The following PPP1R14C variants were observed in gnomAD, a reference collection of about 807,000 sequenced individuals.
PPP1R14C encodes protein phosphatase 1 regulatory subunit 14C.
A neutral mutation model predicts 20.4 loss-of-function variants in PPP1R14C; 16 were observed. That is an observed-to-expected ratio of 0.78 (90% CI 0.53 to 1.19). The LOEUF is 1.19. PPP1R14C is among the 50% of genes most tolerant of loss of function. PPP1R14C has a pLI of 0.00. For missense variants in PPP1R14C, 211 were observed against 220.1 expected, an observed-to-expected ratio of 0.96 and a Z score of 0.26; for synonymous variants, 91 against 91.0, an observed-to-expected ratio of 1.00 and a Z score of 0.00.
intron 1 of PPP1R14C, among the ~76,000 whole-genome samples, chr6:150,204,996 C>CTTTTTTT (rs10683235): frequency 7.0e-6 from 1 of 143,332 alleles, no homozygotes; most frequent in Non-Finnish European, 1.5e-5. Context: ...AACTCAGAGT[C>CTTTTTTT]TTTTTTTTTT....
In PPP1R14C at chr6:150,185,193, C is replaced by T. The variant is rs1777663384; in HGVS notation, c.307-29551C>T. On this transcript the variant is annotated intron_variant, in intron 1 of 3. Coordinates refer to ENST00000361131, the MANE Select transcript of PPP1R14C (RefSeq NM_030949.3). This position sits in a 1 kb window ranked among gnomAD's most constrained non-coding sequence, Gnocchi z 4.1. ...TTATTTACTCAACTTCTTTCTTTAT[C>T]GATTTCCTCATCTATAACATGTCAA... Among the ~76,000 whole-genome samples, 3 of 152,128 alleles carry T rather than the reference C, an allele frequency of 2.0e-5. No individual in the cohort carries two copies. Among genetic ancestry groups the T allele is most frequent in the South Asian group, 2.1e-4 (1 of 4,824 alleles).
chr6:150,189,629 T>A (rs1213390401), intron 1 of PPP1R14C, among the ~76,000 whole-genome samples: 1 of 152,146 alleles, frequency 6.6e-6, no homozygotes, highest in African/African-American at 2.4e-5. Context: ...TGTTGGAGGC[T>A]TTCTGTTGAT....
chr6:150,188,469 G>A (rs1324431858), intron 1 of PPP1R14C, among the ~76,000 whole-genome samples: 10 of 144,394 alleles, frequency 6.9e-5, no homozygotes. Context: ...GGGAACAGAA[G>A]AACAGGAATT....
chr6:150,226,490 G>C, intron 3 of PPP1R14C, among the ~76,000 whole-genome samples: 1 of 152,084 alleles, frequency 6.6e-6, no homozygotes, highest in East Asian at 1.9e-4. Flanking sequence ...CACTATCTTT[G>C]CACAGTTTCC....
At chr6:150,160,833 C>G (rs1777358881) in intron 1 of PPP1R14C, among the ~76,000 whole-genome samples, 1 of 151,948 alleles carries the variant, frequency 6.6e-6, no homozygotes, top group South Asian at 2.1e-4. Context: ...TTTGACATAC[C>G]CCCATGATCG....
At chr6:150,234,010 C>T (rs572780411) in intron 3 of PPP1R14C, among the ~76,000 whole-genome samples, 1 of 152,342 alleles carries the variant, frequency 6.6e-6, no homozygotes, top group Non-Finnish European at 1.5e-5. Flanking sequence ...TGGTAAAACA[C>T]TCAGGCAGAC....
intron 3 of PPP1R14C, among the ~76,000 whole-genome samples, chr6:150,241,311 C>T (rs1000238497): frequency 6.6e-6 from 1 of 152,132 alleles, no homozygotes; most frequent in Non-Finnish European, 1.5e-5. Flanking sequence ...TCCCTCAAGC[C>T]CTGACCTGTG....
intron 1 of PPP1R14C, among the ~76,000 whole-genome samples, chr6:150,150,936 C>T (rs919539434): frequency 3.3e-5 from 5 of 152,120 alleles, no homozygotes; most frequent in Non-Finnish European, 2.9e-5. Flanking sequence ...CATGCCGCTC[C>T]GTCTTTCTCC....
chr6:150,160,955 G>A (rs527765887), intron 1 of PPP1R14C, among the ~76,000 whole-genome samples: 3 of 151,964 alleles, frequency 2.0e-5, no homozygotes, highest in East Asian at 1.9e-4. Context: ...TCCAAGGAAC[G>A]CTGATTCCTT....
intron 1 of PPP1R14C, among the ~76,000 whole-genome samples, chr6:150,184,189 G>A (rs768441825): frequency 7.2e-5 from 11 of 152,180 alleles, no homozygotes; most frequent in Admixed American, 1.3e-4. Context: ...TCCCAGGTAG[G>A]ATGTGATGAG....
At chr6:150,204,168 C>T (rs1329258731) in intron 1 of PPP1R14C, among the ~76,000 whole-genome samples, 2 of 152,204 alleles carry the variant, frequency 1.3e-5, no homozygotes, top group South Asian at 2.1e-4. Context: ...TCAGTGTCCT[C>T]GTTTATGCCA....
intron 3 of PPP1R14C, among the ~76,000 whole-genome samples, chr6:150,234,428 A>G (rs1410162057): frequency 6.6e-6 from 1 of 152,240 alleles, no homozygotes. Context: ...AAAGACCATA[A>G]AATTACTTGT....
intron 3 of PPP1R14C, among the ~76,000 whole-genome samples, chr6:150,234,078 T>A (rs939972189): frequency 2.0e-5 from 3 of 152,170 alleles, no homozygotes; most frequent in Admixed American, 2.0e-4. Flanking sequence ...AGTCTATTTT[T>A]TTTCCCCAAC....
At chr6:150,211,112 C>T (rs900886179) in intron 1 of PPP1R14C, among the ~76,000 whole-genome samples, 1 of 152,208 alleles carries the variant, frequency 6.6e-6, no homozygotes, top group Non-Finnish European at 1.5e-5. Context: ...CTGCCCCTGG[C>T]GGAGTTTTCT....
Position 150,143,052 on chromosome 6 carries a change from C to G in PPP1R14C, c.-141C>G, listed in dbSNP as rs1582890255. The G allele has an allele frequency of 2.8e-6, 3 of 1,070,098 alleles. No homozygotes were observed. The highest frequency in any genetic ancestry group is 4.2e-4 in the Middle Eastern group (1 of 2,380). 66.3% of individuals were successfully genotyped at this position (1,070,098 alleles called of 1,614,324 possible). The stretch of plus-strand genomic sequence containing the variant: ...GCTCCTCCCGCCCTCCCAGAGCAGC[C>G]GGGCGGCTGGGCGCGCGCGGCGCAG... On this transcript the variant is annotated 5_prime_UTR_variant, in exon 1 of 4. Coordinates refer to ENST00000361131, the MANE Select transcript of PPP1R14C (RefSeq NM_030949.3). This position sits in a 1 kb window ranked among gnomAD's most constrained non-coding sequence, Gnocchi z 5.6.
intron 1 of PPP1R14C, among the ~76,000 whole-genome samples, chr6:150,193,145 G>A (rs1019051443): frequency 2.0e-5 from 3 of 152,084 alleles, no homozygotes; most frequent in Admixed American, 2.0e-4. Flanking sequence ...AAGCTTAGAC[G>A]TTACCAAGAC....
intron 3 of PPP1R14C, among the ~76,000 whole-genome samples, chr6:150,221,357 C>T (rs1778165197): frequency 6.6e-6 from 1 of 152,162 alleles, no homozygotes; most frequent in African/African-American, 2.4e-5. Context: ...CTCTTTCTTT[C>T]CAATCTGCCA....
intron 3 of PPP1R14C, among the ~76,000 whole-genome samples, chr6:150,223,237 A>G (rs1419920166): frequency 6.6e-6 from 1 of 152,206 alleles, no homozygotes; most frequent in Non-Finnish European, 1.5e-5. Context: ...GAGTTTATCC[A>G]TTCATTCACC....
chr6:150,166,740 C>G (rs975866060), intron 1 of PPP1R14C, among the ~76,000 whole-genome samples: 1 of 152,218 alleles, frequency 6.6e-6, no homozygotes, highest in Non-Finnish European at 1.5e-5. Flanking sequence ...GCTAAGGGAA[C>G]AGGGTGGCTG....
Sources: allele counts gnomAD v4.1 joint callset (sites outside exome capture counted in the v4.1 genomes callset), GRCh38; gene constraint gnomAD v4.1.1; non-coding constraint Gnocchi (gnomAD v3.1); transcripts MANE v1.5; gene names NCBI Gene and HGNC (gene_info 2026-07-23, HGNC 2026-07-21).